The following ACSS3 variants were observed in gnomAD, a reference collection of about 807,000 sequenced individuals.
The protein encoded by ACSS3 is acyl-CoA synthetase short chain family member 3.
ACSS3 carries 64 observed loss-of-function variants against 84.2 expected under a neutral mutation model. That is an observed-to-expected ratio of 0.76 (90% CI 0.62 to 0.94). ACSS3 has a LOEUF of 0.94. Among genes scored for constraint, ACSS3 ranks in the 40% least tolerant of loss-of-function variants. ACSS3 has a pLI of 0.00. For missense variants in ACSS3, 815 were observed against 867.6 expected (o/e 0.94, Z 0.76); for synonymous variants, 317 against 310.1 (o/e 1.02, Z -0.23).
At chr12:81,249,589 G>C (rs903413020) in intron 13 of ACSS3, among the ~76,000 whole-genome samples, 2 of 152,134 alleles carry the variant, frequency 1.3e-5, no homozygotes, top group Non-Finnish European at 2.9e-5. Context: ...TAAAGTGACT[G>C]TGTATCCAGC....
intron 11 of ACSS3, among the ~76,000 whole-genome samples, chr12:81,224,848 T>A (rs1161601633): frequency 2.0e-5 from 3 of 151,944 alleles, no homozygotes; most frequent in Admixed American, 6.6e-5. Flanking sequence ...AGTCACTTAG[T>A]AGCCGTCTTG....
chr12:81,154,280 C>T (rs1286338867), intron 7 of ACSS3, among the ~76,000 whole-genome samples: 3 of 152,140 alleles, frequency 2.0e-5, no homozygotes, highest in Non-Finnish European at 4.4e-5. Flanking sequence ...AATTGAGATA[C>T]ATACATATTT....
intron 2 of ACSS3, among the ~76,000 whole-genome samples, chr12:81,134,236 C>A (rs1388330274): frequency 1.3e-5 from 2 of 152,106 alleles, no homozygotes; most frequent in Non-Finnish European, 1.5e-5. Flanking sequence ...AGTTCTCTGA[C>A]CTTGGTTAGC....
chr12:81,103,984 T>C (rs1312507049), intron 1 of ACSS3, among the ~76,000 whole-genome samples: 1 of 152,186 alleles, frequency 6.6e-6, no homozygotes, highest in Non-Finnish European at 1.5e-5. Flanking sequence ...ATATATGATA[T>C]GAAGTCTTGG....
At chr12:81,206,171 T>G (rs926819880) in intron 9 of ACSS3, among the ~76,000 whole-genome samples, 1 of 152,160 alleles carries the variant, frequency 6.6e-6, no homozygotes, top group African/African-American at 2.4e-5. Flanking sequence ...CTTGTTATTC[T>G]CTGCTTCTGT....
intron 8 of ACSS3, among the ~76,000 whole-genome samples, chr12:81,180,619 G>A (rs966694665): frequency 3.9e-5 from 6 of 152,018 alleles, no homozygotes; most frequent in East Asian, 1.9e-4. Context: ...AGGTTCAAGC[G>A]ATTCTCCTGC....
intron 11 of ACSS3, among the ~76,000 whole-genome samples, chr12:81,223,060 A>G (rs2033161801): frequency 6.6e-6 from 1 of 152,104 alleles, no homozygotes; most frequent in Admixed American, 6.6e-5. Flanking sequence ...ACTATGAGTC[A>G]GTAATTTCCA....
chr12:81,134,269 T>C (rs1885673941), intron 2 of ACSS3, among the ~76,000 whole-genome samples: 1 of 152,192 alleles, frequency 6.6e-6, no homozygotes, highest in Non-Finnish European at 1.5e-5. Context: ...CTGAACCTTA[T>C]TACCTTATCT....
chr12:81,110,476 G>C (rs565799526), intron 2 of ACSS3, among the ~76,000 whole-genome samples: 1 of 152,284 alleles, frequency 6.6e-6, no homozygotes, highest in African/African-American at 2.4e-5. Context: ...GGCCTCAGAA[G>C]TAATTATAAA....
At chr12:81,179,808 C>T (rs1275775271) in intron 8 of ACSS3, among the ~76,000 whole-genome samples, 2 of 149,284 alleles carry the variant, frequency 1.3e-5, no homozygotes, top group African/African-American at 2.5e-5. Context: ...GGGCAAAGGA[C>T]GTTGCATTAG....
intron 9 of ACSS3, among the ~76,000 whole-genome samples, chr12:81,210,638 C>T (rs978642202): frequency 2.6e-5 from 4 of 152,162 alleles, no homozygotes; most frequent in African/African-American, 9.7e-5. Context: ...CATTACCCAT[C>T]TCTTTTGTTT....
intron 9 of ACSS3, among the ~76,000 whole-genome samples, chr12:81,206,481 AT>A (rs1180422300): frequency 2.0e-5 from 3 of 151,548 alleles, no homozygotes; most frequent in Admixed American, 6.6e-5. Context: ...AAATACATTT[AT>A]TTTTTTTCTT....
rs71098134 is a variant in ACSS3 at position 81,251,668 on chromosome 12, CAA to C, written c.1720-1624_1720-1623del. ...GGAACATGGCGAAACCCCATCTCTACAAAAAAAAAAAAAAAATACAAAAATTT... is the reference window on the plus strand; with the variant it reads ...GGAACATGGCGAAACCCCATCTCTACAAAAAAAAAAAAAATACAAAAATTT... On this transcript the variant is annotated intron_variant, in intron 13 of 15. Transcript: ENST00000548058. Among the ~76,000 whole-genome samples the C allele has an allele frequency of 1.8e-4, 16 of 87,824 alleles. 1 individual carries two copies. The highest frequency in any genetic ancestry group is 4.8e-4 in the African/African-American group (12 of 25,094). 57.6% of individuals were successfully genotyped at this position (87,824 alleles called of 152,430 possible). A position where few individuals can be genotyped will look rare whatever the true frequency, so the allele number is the denominator to read the frequency against.
chr12:81,202,887 C>T (rs541587296), intron 9 of ACSS3, among the ~76,000 whole-genome samples: 228 of 152,212 alleles, frequency 1.5e-3, no homozygotes, highest in Non-Finnish European at 1.4e-3. Flanking sequence ...TTTTGTTAAT[C>T]GGGGTTCTCC....
At chr12:81,189,077 C>G (rs184416017) in intron 8 of ACSS3, among the ~76,000 whole-genome samples, 2 of 152,086 alleles carry the variant, frequency 1.3e-5, no homozygotes, top group Non-Finnish European at 2.9e-5. Context: ...ACCCTCTCCC[C>G]CTCCAACCAC....
intron 9 of ACSS3, among the ~76,000 whole-genome samples, chr12:81,201,940 C>A (rs934055649): frequency 1.3e-5 from 2 of 152,048 alleles, no homozygotes; most frequent in Non-Finnish European, 2.9e-5. Flanking sequence ...AGAAAAAAAT[C>A]AATTTATCAT....
chr12:81,112,635 G>C (rs1306778701), intron 2 of ACSS3, among the ~76,000 whole-genome samples: 1 of 152,162 alleles, frequency 6.6e-6, no homozygotes, highest in Non-Finnish European at 1.5e-5. Context: ...TGTTAGGAAA[G>C]AGAGAAGCAT....
rs546381067 is a variant in ACSS3, at chr12:81,195,619, C to G, written c.1251-3722C>G. ...GGTTTTTTTTTCCTAGTCTCTGTCTCTTATTCATTCTCTTCCTTGCTCTCC... is the reference window on the plus strand; with the variant it reads ...GGTTTTTTTTTCCTAGTCTCTGTCTGTTATTCATTCTCTTCCTTGCTCTCC... On this transcript the variant is annotated intron_variant, in intron 8 of 15. Coordinates refer to ENST00000548058, the MANE Select transcript of ACSS3 (RefSeq NM_024560.4). Among the ~76,000 whole-genome samples, 17 of 151,852 alleles carry G rather than the reference C, an allele frequency of 1.1e-4. No individual in the cohort carries two copies. The South Asian group carries it at 2.7e-3, about 24-fold the overall frequency.
At chr12:81,090,101 G>C (rs1233519315) in intron 1 of ACSS3, among the ~76,000 whole-genome samples, 1 of 151,882 alleles carries the variant, frequency 6.6e-6, no homozygotes, top group Non-Finnish European at 1.5e-5. Flanking sequence ...TGCTTTATTT[G>C]TTCTCTGTGT....
Sources: allele counts gnomAD v4.1 joint callset (sites outside exome capture counted in the v4.1 genomes callset), GRCh38; gene constraint gnomAD v4.1.1; transcripts MANE v1.5; gene names NCBI Gene and HGNC (gene_info 2026-07-23, HGNC 2026-07-21).